Variants in CUBN observed in about 807,000 individuals in gnomAD.
The protein encoded by CUBN is 460 kDa receptor.
Under a neutral mutation model 405.3 loss-of-function variants are expected in CUBN, and 282 were observed. That is an observed-to-expected ratio of 0.70 (90% confidence interval 0.63 to 0.77). The LOEUF (loss-of-function observed/expected upper bound fraction) is 0.77, where lower values mean the gene tolerates loss of function less well. Among genes scored for constraint, CUBN ranks in the 30% least tolerant of loss-of-function variants. The pLI, the probability that CUBN is intolerant of heterozygous loss-of-function variation, is 0.00. For synonymous variants in CUBN, 1,684 were observed against 1,617.0 expected, an observed-to-expected ratio of 1.04 and a Z score of -0.99; for missense variants, 4,514 against 4,475.2, an observed-to-expected ratio of 1.01 and a Z score of -0.25.
intron 56 of CUBN, among the ~76,000 whole-genome samples, chr10:16,882,574 G>C (rs1412590783): frequency 6.6e-6 from 1 of 152,200 alleles, no homozygotes; most frequent in East Asian, 1.9e-4. Context: ...ATAAACTTGT[G>C]GGATTTAGAG....
At chr10:17,019,770 A>G (rs1834441354) in intron 28 of CUBN, 63 bp downstream of exon 28, 18 of 1,608,620 alleles carry the variant, frequency 1.1e-5, no homozygotes, top group Non-Finnish European at 1.5e-5. Flanking sequence ...TTGGAACTGA[A>G]AAAGAAAAAA....
chr10:17,017,623 A>T (rs7905980), intron 28 of CUBN, among the ~76,000 whole-genome samples: 50,545 of 152,012 alleles, frequency 0.33, 8,739 homozygotes, highest in East Asian at 0.59. Flanking sequence ...AGGAATAGCT[A>T]TTGATAGGCC....
chr10:16,916,399 C>A (rs1278837596), intron 45 of CUBN, among the ~76,000 whole-genome samples: 1 of 152,186 alleles, frequency 6.6e-6, no homozygotes, highest in Non-Finnish European at 1.5e-5. Context: ...CTGCCTAGTA[C>A]CCTGTGTTGA....
rs1837234313 is a variant in CUBN at position 17,127,821 on chromosome 10, A to C, written c.348+8T>G. 1 of 1,604,496 alleles carries C rather than the reference A, an allele frequency of 6.2e-7. No homozygotes were observed. The highest frequency in any genetic ancestry group is 8.5e-7 in the Non-Finnish European group (1 of 1,171,444). On this transcript the variant is annotated splice_region_variant and intron_variant, in intron 3 of 66. Coordinates refer to ENST00000377833, the MANE Select transcript of CUBN (RefSeq NM_001081.4). ...CATCGGTTCTTATGACGTAGATGTC[A>C]GACTTACCTTGGAATTAAGCTGATA...
At chr10:16,872,236 T>C (rs891259857) in intron 58 of CUBN, among the ~76,000 whole-genome samples, 1 of 151,946 alleles carries the variant, frequency 6.6e-6, no homozygotes, top group African/African-American at 2.4e-5. Context: ...TGAGAGCTAG[T>C]CTCAAATAAA....
At position 17,045,144 on chromosome 10, in the gene CUBN, G is replaced by A; in HGVS notation, c.3535C>T (p.Pro1179Ser). ...LTTSSGTFIS[P>S]NYPMPYYHSS... Reference sequence around the variant, plus strand: ...TGGTAATAGGGCATCGGGTAGTTGGGAGATATGAACGTGCCGCTTGAAGTG... The same window carrying A: ...TGGTAATAGGGCATCGGGTAGTTGGAAGATATGAACGTGCCGCTTGAAGTG... Residue 1179 changes from proline (P) to serine (S), a missense_variant, in exon 25 of 67, where the codon CCC becomes TCC. Transcript: ENST00000377833. 1 of 1,613,944 alleles carries A rather than the reference G, an allele frequency of 6.2e-7. No individual in the cohort carries two copies. The highest frequency in any genetic ancestry group is 8.5e-7 in the Non-Finnish European group (1 of 1,179,966).
intron 57 of CUBN, among the ~76,000 whole-genome samples, chr10:16,874,708 G>T (rs748362658): frequency 6.6e-6 from 1 of 152,152 alleles, no homozygotes; most frequent in Non-Finnish European, 1.5e-5. Context: ...ACAGCAAGAG[G>T]GTAGAAACAG....
chr10:17,113,616 T>C (rs1008221934), intron 8 of CUBN, among the ~76,000 whole-genome samples: 2 of 152,152 alleles, frequency 1.3e-5, no homozygotes, highest in African/African-American at 4.8e-5. Flanking sequence ...GGCCGCAAGA[T>C]ACTCTAATGA....
intron 44 of CUBN, 45 bp from the exon 45 acceptor site, chr10:16,918,845 T>C: frequency 1.3e-6 from 2 of 1,536,946 alleles, no homozygotes; most frequent in Non-Finnish European, 1.8e-6. Context: ...GGTCAGATGC[T>C]TATTTTGATA....
rs893925731 is a variant in CUBN, at chr10:16,902,406, T to C, written c.8063-947A>G. Among the ~76,000 whole-genome samples, 5 of 148,978 alleles carry C rather than the reference T, an allele frequency of 3.4e-5. 1 individual carries two copies. Among genetic ancestry groups the C allele is most frequent in the African/African-American group, 1.2e-4 (5 of 40,628 alleles). The stretch of plus-strand genomic sequence containing the variant: ...TAAATGAAATTAAATAGAAGAAAAG[T>C]AAAATTGGGTAAAAGTTTAGGAATA... On this transcript the variant is annotated intron_variant, in intron 51 of 66. Coordinates refer to ENST00000377833, the MANE Select transcript of CUBN (RefSeq NM_001081.4).
In CUBN at chr10:16,828,230, G is replaced by A. The variant is rs140811047; in HGVS notation, c.10764+575C>T. On this transcript the variant is annotated intron_variant, in intron 66 of 66. Coordinates refer to ENST00000377833, the MANE Select transcript of CUBN (RefSeq NM_001081.4). Reference sequence around the variant, plus strand: ...GGAAATCCCGATTCAGTGGGTTTCGGTGGGAACTGGAAGTCTAATGTAAGT... The same window carrying A: ...GGAAATCCCGATTCAGTGGGTTTCGATGGGAACTGGAAGTCTAATGTAAGT... Among the ~76,000 whole-genome samples, 122 of 152,298 alleles carry A rather than the reference G, an allele frequency of 8.0e-4. 1 individual carries two copies. The East Asian group carries it at 0.021, about 26-fold the overall frequency.
chr10:17,087,434 TAACCCAGTTC>T (rs2131867755), intron 15 of CUBN, among the ~76,000 whole-genome samples: 1 of 149,014 alleles, frequency 6.7e-6, no homozygotes, highest in African/African-American at 2.4e-5. Flanking sequence ...TCCAGGAACC[TAACCCAGTTC>T]AACACAATCA....
At chr10:16,909,299 T>C (rs544813213) in intron 48 of CUBN, among the ~76,000 whole-genome samples, 3 of 152,212 alleles carry the variant, frequency 2.0e-5, no homozygotes, top group Admixed American at 6.5e-5. Context: ...TATCATTTAC[T>C]GAGCAGACAA....
intron 66 of CUBN, among the ~76,000 whole-genome samples, chr10:16,826,691 T>G (rs1838794276): frequency 6.6e-6 from 1 of 152,168 alleles, no homozygotes; most frequent in African/African-American, 2.4e-5. Flanking sequence ...GCTATATACT[T>G]CAACTTAACG....
intron 14 of CUBN, among the ~76,000 whole-genome samples, 190 bp downstream of exon 14, chr10:17,099,815 G>A (rs1304767756): frequency 6.6e-6 from 1 of 151,672 alleles, no homozygotes; most frequent in African/African-American, 2.4e-5. Flanking sequence ...TCAGGCCACT[G>A]CACTCCAGCC....
chr10:16,985,330 C>T (rs116499934), intron 29 of CUBN, among the ~76,000 whole-genome samples: 2,997 of 152,208 alleles, frequency 0.02, 91 homozygotes, highest in African/African-American at 0.066. Context: ...GGAGTTTGGC[C>T]GGGGATGGTC....
At chr10:16,876,344 C>A (rs1404429570) in intron 57 of CUBN, among the ~76,000 whole-genome samples, 1 of 152,158 alleles carries the variant, frequency 6.6e-6, no homozygotes, top group African/African-American at 2.4e-5. Flanking sequence ...TGCCTCTGTC[C>A]AGTCTATTGC....
chr10:16,925,058 AT>A (rs1337012884), intron 43 of CUBN, among the ~76,000 whole-genome samples, 182 bp downstream of exon 43: 1 of 152,236 alleles, frequency 6.6e-6, no homozygotes, highest in African/African-American at 2.4e-5. Flanking sequence ...TAAAATGGAA[AT>A]AATGATACTT....
chr10:17,083,500 C>T (rs369658912), intron 17 of CUBN, among the ~76,000 whole-genome samples: 76 of 31,448 alleles, frequency 2.4e-3, no homozygotes, highest in African/African-American at 0.014. Flanking sequence ...AGCGAAACTC[C>T]GTCTCAAAAT....
Sources: gnomAD v4.1 joint callset for allele counts (sites outside exome capture counted in the v4.1 genomes callset) on GRCh38, gnomAD v4.1.1 for gene constraint, MANE v1.5 for transcripts, NCBI Gene and HGNC (gene_info 2026-07-23, HGNC 2026-07-21) for gene names.